TXNRD1: variants seen among roughly 807,000 people sequenced by gnomAD.
TXNRD1 encodes thioredoxin reductase 1, cytoplasmic.
TXNRD1 carries 57 observed loss-of-function variants against 80.3 expected under a neutral mutation model. The ratio of observed to expected loss-of-function variants is 0.71; its 90% CI spans 0.57 to 0.89. TXNRD1 has a LOEUF of 0.89. Among genes scored for constraint, TXNRD1 ranks in the 40% least tolerant of loss-of-function variants. The pLI is 0.00. For synonymous variants in TXNRD1, 291 were observed against 285.2 expected, an observed-to-expected ratio of 1.02 and a Z score of -0.20; for missense variants, 730 against 803.0, an observed-to-expected ratio of 0.91 and a Z score of 1.10.
Position 104,245,517 on chromosome 12 carries a change from C to CA in TXNRD1, c.92-5985dup, listed in dbSNP as rs10622971. Among the ~76,000 whole-genome samples the CA allele has an allele frequency of 1.7e-3, 50 of 29,246 alleles. 6 individuals carry two copies. The highest frequency in any genetic ancestry group is 8.6e-3 in the East Asian group (5 of 584). The allele number at this position is 29,246 out of a possible 152,430, so 19.2% of individuals were successfully genotyped here. A position where few individuals can be genotyped will look rare whatever the true frequency, so the allele number is the denominator to read the frequency against. On this transcript the variant is annotated intron_variant, in intron 1 of 16. Transcript: ENST00000525566. Reference sequence around the variant, plus strand: ...GGGCAACAAGAGCGAAACTCCATCTCAAAAAAAAAAAAAAAAAAAAAAAAA... The same window carrying CA: ...GGGCAACAAGAGCGAAACTCCATCTCAAAAAAAAAAAAAAAAAAAAAAAAAA...
intron 7 of TXNRD1, among the ~76,000 whole-genome samples, chr12:104,318,492 T>G (rs1227400868): frequency 1.3e-5 from 2 of 152,242 alleles, no homozygotes; most frequent in South Asian, 4.1e-4. Flanking sequence ...ATGGGCTGGA[T>G]TGGCCCATGG....
At chr12:104,262,059 C>G (rs935081038) in intron 3 of TXNRD1, among the ~76,000 whole-genome samples, 1 of 148,832 alleles carries the variant, frequency 6.7e-6, no homozygotes, top group African/African-American at 2.5e-5. Flanking sequence ...TGGCAAAATC[C>G]TGTCTCTACT....
chr12:104,304,195 C>T, intron 4 of TXNRD1: 2 of 1,614,050 alleles, frequency 1.2e-6, no homozygotes, highest in Non-Finnish European at 1.7e-6. Flanking sequence ...GAGAAGCAGC[C>T]CTCGACGCCC....
intron 14 of TXNRD1, among the ~76,000 whole-genome samples, chr12:104,333,360 T>A (rs1444235670): frequency 1.3e-5 from 2 of 152,128 alleles, no homozygotes; most frequent in African/African-American, 2.4e-5. Flanking sequence ...GTATAACGTG[T>A]TTGAGTTGAA....
chr12:104,267,739 TCTTC>T (rs1297808084), intron 3 of TXNRD1, among the ~76,000 whole-genome samples: 213 of 136,366 alleles, frequency 1.6e-3, no homozygotes, highest in Middle Eastern at 7.9e-3. Flanking sequence ...TTCTTTCCTT[TCTTC>T]CTTCCTTCCT....
Position 104,348,611 on chromosome 12 carries a change from G to A in TXNRD1, c.*190G>A, listed in dbSNP as rs977068177. On this transcript the variant is annotated 3_prime_UTR_variant, in exon 17 of 17. Transcript: ENST00000525566. Reference sequence around the variant, plus strand: ...ATAGAAGGCAGGCAGCATCACACTGGGGTCACTGACAGACTTGAAGCTGAC... The same window carrying A: ...ATAGAAGGCAGGCAGCATCACACTGAGGTCACTGACAGACTTGAAGCTGAC... 23 of 579,244 alleles carry A rather than the reference G, an allele frequency of 4.0e-5. No individual in the cohort carries two copies. The highest frequency in any genetic ancestry group is 3.4e-4 in the African/African-American group (18 of 53,444). 35.9% of individuals were successfully genotyped at this position (579,244 alleles called of 1,614,324 possible). A position where few individuals can be genotyped will look rare whatever the true frequency, so the allele number is the denominator to read the frequency against.
Position 104,294,330 on chromosome 12 carries a change from G to A in TXNRD1, c.414+5290G>A, listed in dbSNP as rs139417016. 1.3e-3 allele frequency among the ~76,000 whole-genome samples: 189 copies of A among 150,922 alleles called. 1 individual carries two copies. Among genetic ancestry groups the A allele is most frequent in the African/African-American group, 4.3e-3 (179 of 41,168 alleles). On this transcript the variant is annotated intron_variant, in intron 4 of 16. Transcript: ENST00000525566. ...GCTGGACCACGATCCTCTTGGTGAC[G>A]GGCGTCTTCCCAGATGCTGGCATCA... is the stretch of plus-strand genomic sequence containing the variant.
intron 4 of TXNRD1, among the ~76,000 whole-genome samples, chr12:104,310,570 A>T (rs958607803): frequency 6.6e-6 from 1 of 152,238 alleles, no homozygotes; most frequent in Non-Finnish European, 1.5e-5. Flanking sequence ...AAAATATTGT[A>T]TGAAACGAAT....
At chr12:104,241,747 C>T (rs111743769) in intron 1 of TXNRD1, among the ~76,000 whole-genome samples, 69 of 151,872 alleles carry the variant, frequency 4.5e-4, no homozygotes, top group African/African-American at 1.6e-3. Flanking sequence ...CACTGTGTTG[C>T]CCAGGCTAGT....
chr12:104,225,079 C>T (rs1262881559), intron 1 of TXNRD1, among the ~76,000 whole-genome samples: 1 of 152,150 alleles, frequency 6.6e-6, no homozygotes, highest in Non-Finnish European at 1.5e-5. Flanking sequence ...TAACCATCTT[C>T]CATATGTTAG....
At chr12:104,318,056 G>C (rs35325125) in intron 7 of TXNRD1, among the ~76,000 whole-genome samples, 1 of 152,212 alleles carries the variant, frequency 6.6e-6, no homozygotes, top group African/African-American at 2.4e-5. Context: ...CACGAGAATA[G>C]CTTGAACCCT....
chr12:104,259,490 C>CT (rs574276851), intron 3 of TXNRD1, among the ~76,000 whole-genome samples: 1,840 of 128,686 alleles, frequency 0.014, 39 homozygotes, highest in African/African-American at 0.044. Context: ...AGTTTCATTT[C>CT]TTTTTTTTTT....
Position 104,289,003 on chromosome 12 carries a change from A to G in TXNRD1, c.377A>G (p.Lys126Arg). Residue 126 changes from lysine to arginine, a missense_variant, in exon 4 of 17, where the codon AAA (lysine) becomes AGA (arginine). Transcript: ENST00000525566. ...AETDLPVVFV[K>R]QRKIGGHGPT... ...ACCGATCTGCCCGTTGTGTTTGTGA[A>G]ACAGAGAAAGATAGGCGGCCATGGT... The G allele has an allele frequency of 6.2e-7, 1 of 1,614,036 alleles. No homozygotes were observed. The highest frequency in any genetic ancestry group is 8.5e-7 in the Non-Finnish European group (1 of 1,179,892).
At chr12:104,284,461 G>A (rs1309812843) in intron 3 of TXNRD1, 1 of 152,178 alleles carries the variant, frequency 6.6e-6, no homozygotes, top group Non-Finnish European at 1.5e-5. Flanking sequence ...TATGGTGTGT[G>A]TGTGTGTATG....
At chr12:104,258,212 T>C (rs954846663) in intron 3 of TXNRD1, 133 bp downstream of exon 3, 2 of 683,588 alleles carry the variant, frequency 2.9e-6, no homozygotes, top group African/African-American at 3.7e-5. Flanking sequence ...TTCTTCTTTT[T>C]GGTCTTTTAG....
intron 9 of TXNRD1, among the ~76,000 whole-genome samples, chr12:104,320,184 C>T (rs946030715): frequency 6.6e-6 from 1 of 152,190 alleles, no homozygotes; most frequent in Non-Finnish European, 1.5e-5. Flanking sequence ...TGACATTGTT[C>T]AGGAGCTTTC....
In TXNRD1 at chr12:104,349,074, G is replaced by A. The variant is rs562809178; in HGVS notation, c.*653G>A. 2 of 152,388 alleles carry A rather than the reference G, an allele frequency of 1.3e-5. No individual in the cohort carries two copies. The highest frequency in any genetic ancestry group is 4.1e-4 in the South Asian group (2 of 4,832). 9.4% of individuals were successfully genotyped at this position (152,388 alleles called of 1,614,324 possible). ...ACTCTAGCCAAATTTGCCCCTGTGT[G>A]CTACATGATGGATGATTATTATTTT... On this transcript the variant is annotated 3_prime_UTR_variant, in exon 17 of 17. Transcript: ENST00000525566.
At chr12:104,303,984 G>T (rs528222322) in intron 4 of TXNRD1, 4 of 1,608,056 alleles carry the variant, frequency 2.5e-6, no homozygotes, top group South Asian at 1.1e-5. Flanking sequence ...GACGACCTCA[G>T]CTCTGGGGAG....
At chr12:104,288,704 C>T in intron 3 of TXNRD1, 2 of 1,385,948 alleles carry the variant, frequency 1.4e-6, no homozygotes, top group East Asian at 2.8e-5. Context: ...AGCCTTGAGG[C>T]CATGTTTTCA....
Sources: allele counts gnomAD v4.1 joint callset (sites outside exome capture counted in the v4.1 genomes callset), GRCh38; gene constraint gnomAD v4.1.1; transcripts MANE v1.5; gene names NCBI Gene and HGNC (gene_info 2026-07-23, HGNC 2026-07-21).